ZCCHC4: variants seen among roughly 807,000 people sequenced by gnomAD.
ZCCHC4 encodes zinc finger CCHC-type containing 4, also known as rRNA N(6)-adenosine-methyltransferase ZCCHC4.
Under a neutral mutation model 67.7 loss-of-function variants are expected in ZCCHC4, and 54 were observed. The ratio of observed to expected loss-of-function variants is 0.80; its 90% CI spans 0.64 to 1.00. The LOEUF (loss-of-function observed/expected upper bound fraction) is 1.00. Ranked by LOEUF, ZCCHC4 falls within the 50% of genes least tolerant of loss-of-function variation. The pLI is 0.00. For missense variants in ZCCHC4, 609 were observed against 617.0 expected, an observed-to-expected ratio of 0.99 and a Z score of 0.14; for synonymous variants, 198 against 213.5, an observed-to-expected ratio of 0.93 and a Z score of 0.63.
At chr4:25,365,343 G>C in intron 12 of ZCCHC4, 177 bp downstream of exon 12, 1 of 1,401,140 alleles carries the variant, frequency 7.1e-7, no homozygotes, top group Non-Finnish European at 9.3e-7. Context: ...CAAAGAGCTT[G>C]CTTTCAAAGA....
At chr4:25,350,734 G>T (rs1033456506) in intron 7 of ZCCHC4, among the ~76,000 whole-genome samples, 1 of 152,116 alleles carries the variant, frequency 6.6e-6, no homozygotes, top group Non-Finnish European at 1.5e-5. Flanking sequence ...GACTCATATT[G>T]TTAAGTATTT....
chr4:25,332,583 G>C (rs973932246), intron 3 of ZCCHC4, among the ~76,000 whole-genome samples: 45 of 152,252 alleles, frequency 3.0e-4, no homozygotes, highest in African/African-American at 1.0e-3. Flanking sequence ...TTGGATATAA[G>C]GGTGACTTGG....
At chr4:25,320,083 T>C (rs1165175184) in intron 3 of ZCCHC4, among the ~76,000 whole-genome samples, 3 of 152,148 alleles carry the variant, frequency 2.0e-5, no homozygotes, top group Non-Finnish European at 4.4e-5. Flanking sequence ...GTTTACAGAG[T>C]AGGATTTGAT....
chr4:25,342,033 G>A (rs1172139145), intron 5 of ZCCHC4, among the ~76,000 whole-genome samples: 2 of 152,136 alleles, frequency 1.3e-5, no homozygotes, highest in Non-Finnish European at 2.9e-5. Flanking sequence ...ACTTTTGTGT[G>A]TGCCTTGCAA....
chr4:25,334,455 TA>T (rs1397160570), intron 5 of ZCCHC4, among the ~76,000 whole-genome samples: 1 of 152,162 alleles, frequency 6.6e-6, no homozygotes, highest in Admixed American at 6.5e-5. Flanking sequence ...AAGGGAGTGC[TA>T]AGTAGGGGAT....
intron 3 of ZCCHC4, among the ~76,000 whole-genome samples, chr4:25,323,136 A>G (rs1478216292): frequency 6.6e-6 from 1 of 152,192 alleles, no homozygotes; most frequent in Non-Finnish European, 1.5e-5. Flanking sequence ...CCCTTTGTCT[A>G]ATGATTTTAG....
intron 7 of ZCCHC4, among the ~76,000 whole-genome samples, chr4:25,349,874 T>C (rs1206000946): frequency 6.6e-6 from 1 of 152,286 alleles, no homozygotes; most frequent in African/African-American, 2.4e-5. Context: ...ATGTTTTTGA[T>C]GGGGATAATG....
At chr4:25,319,087 A>G (rs1718433351) in intron 3 of ZCCHC4, among the ~76,000 whole-genome samples, 1 of 152,222 alleles carries the variant, frequency 6.6e-6, no homozygotes, top group Admixed American at 6.5e-5. Flanking sequence ...GTATTCATAG[A>G]AAAGGCTAAG....
chr4:25,329,522 T>C (rs1356222204), intron 3 of ZCCHC4, among the ~76,000 whole-genome samples: 2 of 147,024 alleles, frequency 1.4e-5, no homozygotes, highest in Non-Finnish European at 3.0e-5. Context: ...ATTTCGTCTT[T>C]TTATATTTTC....
At chr4:25,345,979 C>A (rs1170013368) in intron 6 of ZCCHC4, among the ~76,000 whole-genome samples, 1 of 152,156 alleles carries the variant, frequency 6.6e-6, no homozygotes, top group Non-Finnish European at 1.5e-5. Context: ...CTTTCCACCG[C>A]AGGGAAGGTC....
In ZCCHC4 at chr4:25,358,833, T is replaced by G. The variant is rs562905972; in HGVS notation, c.1012-3026T>G. ...AGGTATAATTACCCTGCTAACGCTGTACATATGGCCTGTGCCTAGGTTGGC... is the reference window on the plus strand; with the variant it reads ...AGGTATAATTACCCTGCTAACGCTGGACATATGGCCTGTGCCTAGGTTGGC... On this transcript the variant is annotated intron_variant, in intron 8 of 12. Coordinates refer to ENST00000302874, the MANE Select transcript of ZCCHC4 (RefSeq NM_024936.3). Among the ~76,000 whole-genome samples the G allele has an allele frequency of 1.1e-4, 16 of 152,360 alleles. No individual in the cohort carries two copies. The East Asian group carries it at 3.1e-3, about 29-fold the overall frequency.
chr4:25,324,014 G>GTTTTTTTTGTTTTTTTTTTTTTT (rs1718724561), intron 3 of ZCCHC4, among the ~76,000 whole-genome samples: 3 of 82,440 alleles, frequency 3.6e-5, no homozygotes, highest in Non-Finnish European at 6.4e-5. Context: ...TGTTTTTTGT[G>GTTTTTTTTGTTTTTTTTTTTTTT]TTTTTTTTTT....
chr4:25,345,458 A>G, intron 5 of ZCCHC4, 90 bp from the exon 6 acceptor site: 1 of 787,890 alleles, frequency 1.3e-6, no homozygotes, highest in Non-Finnish European at 2.0e-6. Context: ...GAAATTTTTT[A>G]AAGGTGTGAT....
At chr4:25,346,252 G>A (rs764811827) in intron 6 of ZCCHC4, among the ~76,000 whole-genome samples, 2 of 150,828 alleles carry the variant, frequency 1.3e-5, no homozygotes, top group African/African-American at 2.5e-5. Flanking sequence ...AAAAAAAAAG[G>A]ACTGCAGTTT....
chr4:25,353,525 C>T (rs1720396928), intron 8 of ZCCHC4, among the ~76,000 whole-genome samples: 1 of 152,316 alleles, frequency 6.6e-6, no homozygotes, highest in South Asian at 2.1e-4. Context: ...AAGAAGTTAA[C>T]TACGTAAACG....
intron 5 of ZCCHC4, among the ~76,000 whole-genome samples, chr4:25,340,812 T>TA (rs1269681448): frequency 6.6e-6 from 1 of 152,200 alleles, no homozygotes; most frequent in Non-Finnish European, 1.5e-5. Flanking sequence ...TGATTTACTT[T>TA]AAAAAATTTT....
At chr4:25,331,601 C>G (rs1402437849) in intron 3 of ZCCHC4, among the ~76,000 whole-genome samples, 1 of 152,204 alleles carries the variant, frequency 6.6e-6, no homozygotes, top group African/African-American at 2.4e-5. Context: ...GCCACTGTTC[C>G]TGGCCTGTTC....
intron 10 of ZCCHC4, among the ~76,000 whole-genome samples, 184 bp downstream of exon 10, chr4:25,362,485 T>G (rs1036366757): frequency 6.6e-6 from 1 of 152,222 alleles, no homozygotes; most frequent in Non-Finnish European, 1.5e-5. Context: ...TTAAAAATAC[T>G]TAACTGCCTT....
Position 25,349,526 on chromosome 4 carries a change from A to G in ZCCHC4, c.794A>G (p.Glu265Gly). The G allele has an allele frequency of 6.2e-7, 1 of 1,613,968 alleles. No individual in the cohort carries two copies. Among genetic ancestry groups the G allele is most frequent in the Non-Finnish European group, 8.5e-7 (1 of 1,179,904 alleles). ...ALEVCRAFLQ[E>G]DKGEGIIMVT... Reference sequence around the variant, plus strand: ...GAAGTATGCAGAGCATTTTTACAGGAAGATAAAGGCGAAGGAATCATTATG... The same window carrying G: ...GAAGTATGCAGAGCATTTTTACAGGGAGATAAAGGCGAAGGAATCATTATG... The change falls in exon 7 of 13, where the codon GAA becomes GGA. Residue 265 changes from glutamate (E) to glycine (G), a missense_variant. Coordinates refer to ENST00000302874, the MANE Select transcript of ZCCHC4 (RefSeq NM_024936.3).
Sources: gnomAD v4.1 joint callset for allele counts (sites outside exome capture counted in the v4.1 genomes callset) on GRCh38, gnomAD v4.1.1 for gene constraint, MANE v1.5 for transcripts, NCBI Gene and HGNC (gene_info 2026-07-23, HGNC 2026-07-21) for gene names.